Variants in LRP1B observed in about 807,000 individuals in gnomAD.
LRP1B encodes the protein LDL receptor related protein 1B.
A neutral mutation model predicts 556.6 loss-of-function variants in LRP1B; 217 were observed. That is an observed-to-expected ratio of 0.39 (90% CI 0.35 to 0.44). LRP1B has a LOEUF of 0.44. Among genes scored for constraint, LRP1B ranks in the 20% least tolerant of loss-of-function variants. LRP1B has a pLI of 1.00. For missense variants in LRP1B, 5,053 were observed against 5,620.8 expected, an observed-to-expected ratio of 0.90 and a Z score of 3.23; for synonymous variants, 2,047 against 1,865.8, an observed-to-expected ratio of 1.10 and a Z score of -2.50.
chr2:140,695,124 A>C (rs755126873), intron 41 of LRP1B, among the ~76,000 whole-genome samples: 32 of 151,506 alleles, frequency 2.1e-4, no homozygotes, highest in Non-Finnish European at 4.1e-4. Context: ...TGTGTTGTGG[A>C]AATTGAATTT....
At chr2:140,385,071 GATCCC>G (rs1683698986) in intron 67 of LRP1B, among the ~76,000 whole-genome samples, 1 of 152,044 alleles carries the variant, frequency 6.6e-6, no homozygotes, top group African/African-American at 2.4e-5. Context: ...AACATGGCAA[GATCCC>G]ATCTCTACAA....
intron 1 of LRP1B, among the ~76,000 whole-genome samples, chr2:142,027,487 G>A (rs1371755826): frequency 6.6e-6 from 1 of 151,748 alleles, no homozygotes; most frequent in Non-Finnish European, 1.5e-5. Flanking sequence ...TCTATCAAGA[G>A]AATGGGATAA....
chr2:141,457,300 A>C (rs1681671321), intron 3 of LRP1B, among the ~76,000 whole-genome samples: 1 of 152,124 alleles, frequency 6.6e-6, no homozygotes, highest in Non-Finnish European at 1.5e-5. Flanking sequence ...AAGGAATAAT[A>C]GATTAGGGTA....
intron 1 of LRP1B, among the ~76,000 whole-genome samples, chr2:142,077,937 T>A (rs1165244165): frequency 6.6e-6 from 1 of 152,174 alleles, no homozygotes; most frequent in Non-Finnish European, 1.5e-5. Flanking sequence ...AACATAATTA[T>A]CTACTGCTTT....
At chr2:141,711,117 C>A (rs1022944741) in intron 2 of LRP1B, among the ~76,000 whole-genome samples, 1 of 152,126 alleles carries the variant, frequency 6.6e-6, no homozygotes, top group Non-Finnish European at 1.5e-5. Flanking sequence ...CCTAATTTTA[C>A]TTTCTCTTAT....
chr2:140,371,341 A>T, intron 69 of LRP1B, 56 bp from the exon 70 acceptor site: 1 of 888,410 alleles, frequency 1.1e-6, no homozygotes. Flanking sequence ...AGGTTTTAGA[A>T]ATAAAAACAT....
At chr2:141,082,301 G>A (rs1186309004) in intron 7 of LRP1B, among the ~76,000 whole-genome samples, 1 of 152,064 alleles carries the variant, frequency 6.6e-6, no homozygotes, top group African/African-American at 2.4e-5. Flanking sequence ...GTCATGTGAG[G>A]TTCAAATGAG....
At chr2:140,333,185 T>G (rs1353234637) in intron 79 of LRP1B, among the ~76,000 whole-genome samples, 1 of 152,080 alleles carries the variant, frequency 6.6e-6, no homozygotes, top group African/African-American at 2.4e-5. Flanking sequence ...TCATATTCAC[T>G]TCACTTGCTG....
chr2:141,667,090 C>T (rs1034129906), intron 2 of LRP1B, among the ~76,000 whole-genome samples: 1 of 152,058 alleles, frequency 6.6e-6, no homozygotes, highest in African/African-American at 2.4e-5. Context: ...CATTGTTCTT[C>T]ATTATTTACA....
chr2:140,915,653 A>AAAAT (rs70991117), intron 21 of LRP1B, among the ~76,000 whole-genome samples: 1,616 of 145,080 alleles, frequency 0.011, 30 homozygotes, highest in African/African-American at 0.038. Context: ...CTTTGTCTCA[A>AAAAT]AAATAAATAA....
At chr2:141,965,911 A>T (rs998337927) in intron 1 of LRP1B, among the ~76,000 whole-genome samples, 1 of 151,422 alleles carries the variant, frequency 6.6e-6, no homozygotes, top group Non-Finnish European at 1.5e-5. Context: ...TGAGCTAATT[A>T]TTGAAATATT....
intron 2 of LRP1B, among the ~76,000 whole-genome samples, chr2:141,605,833 C>T (rs181186293): frequency 2.6e-5 from 4 of 152,170 alleles, no homozygotes; most frequent in African/African-American, 9.6e-5. Context: ...TAGTCAATGT[C>T]AAAAGATTGT....
At chr2:141,128,086 T>A (rs1184494080) in intron 7 of LRP1B, among the ~76,000 whole-genome samples, 2 of 152,148 alleles carry the variant, frequency 1.3e-5, no homozygotes, top group South Asian at 4.1e-4. Flanking sequence ...GCTCAAGAGA[T>A]CCTCCTGCCT....
intron 2 of LRP1B, among the ~76,000 whole-genome samples, chr2:141,757,746 A>G (rs1294516079): frequency 6.6e-6 from 1 of 151,978 alleles, no homozygotes; most frequent in Non-Finnish European, 1.5e-5. Context: ...TACATTGCCC[A>G]GGCTGATCTC....
At chr2:140,932,951 A>G (rs1415087203) in intron 20 of LRP1B, among the ~76,000 whole-genome samples, 1 of 151,504 alleles carries the variant, frequency 6.6e-6, no homozygotes, top group Non-Finnish European at 1.5e-5. Context: ...ATATACACAT[A>G]TACATATACA....
At chr2:141,531,649 T>C (rs948431793) in intron 2 of LRP1B, among the ~76,000 whole-genome samples, 2 of 152,166 alleles carry the variant, frequency 1.3e-5, no homozygotes, top group Admixed American at 6.5e-5. Context: ...TCAAAGAAAT[T>C]AAATTTTGAT....
chr2:141,139,596 C>T (rs1330923851), intron 7 of LRP1B, among the ~76,000 whole-genome samples: 1 of 151,712 alleles, frequency 6.6e-6, no homozygotes, highest in Non-Finnish European at 1.5e-5. Context: ...AAAAAAAATT[C>T]AATATCATTA....
chr2:141,592,337 T>G (rs181060191), intron 2 of LRP1B, among the ~76,000 whole-genome samples: 1 of 152,112 alleles, frequency 6.6e-6, no homozygotes, highest in Non-Finnish European at 1.5e-5. Context: ...ACCAACAGAT[T>G]TGATGTCTGG....
At chr2:141,374,235 A>G (rs1008929691) in intron 3 of LRP1B, among the ~76,000 whole-genome samples, 4 of 152,164 alleles carry the variant, frequency 2.6e-5, no homozygotes, top group African/African-American at 9.6e-5. Context: ...TTTCTGCTGA[A>G]AAGTTTACTG....
Sources: allele counts gnomAD v4.1 joint callset (sites outside exome capture counted in the v4.1 genomes callset), GRCh38; gene constraint gnomAD v4.1.1; transcripts MANE v1.5; gene names NCBI Gene and HGNC (gene_info 2026-07-23, HGNC 2026-07-21).